The following NFASC variants were observed in gnomAD, a reference collection of about 807,000 sequenced individuals.
NFASC encodes the protein neurofascin, also known as neurofascin homolog.
NFASC carries 43 observed loss-of-function variants against 147.5 expected under a neutral mutation model. That is an observed-to-expected ratio of 0.29 (90% CI 0.23 to 0.38). The LOEUF (loss-of-function observed/expected upper bound fraction) is 0.38, where lower values mean the gene tolerates loss of function less well. NFASC is among the 10% of genes least tolerant of loss of function. The probability of loss-of-function intolerance (pLI) is 1.00; values close to 1 mark genes in which losing one functional copy is unlikely to be tolerated. For synonymous variants in NFASC, 622 were observed against 665.5 expected, an observed-to-expected ratio of 0.93 and a Z score of 1.01; for missense variants, 1,320 against 1,689.0, an observed-to-expected ratio of 0.78 and a Z score of 3.83.
intron 2 of NFASC, among the ~76,000 whole-genome samples, chr1:204,932,130 G>A (rs540273727): frequency 2.0e-4 from 30 of 152,220 alleles, no homozygotes; most frequent in African/African-American, 5.8e-4. Context: ...ATAGGTCTCC[G>A]TTGGGTCAGG....
intron 1 of NFASC, among the ~76,000 whole-genome samples, chr1:204,893,904 A>G (rs561538291): frequency 6.6e-6 from 1 of 152,256 alleles, no homozygotes; most frequent in Admixed American, 6.5e-5. Context: ...CTGCCTTTAG[A>G]TGGCTAACAA....
chr1:205,022,271 G>C lies in NFASC; in HGVS notation c.*5732G>C, dbSNP rs1190443155. On this transcript the variant is annotated 3_prime_UTR_variant, in exon 30 of 30. Coordinates refer to ENST00000339876, the MANE Select transcript of NFASC (RefSeq NM_001005388.3). ...CCTCTGCCCGGCTCCCCAGCTCTTT[G>C]CCAACCTCTTCACACTCCCCTTGAG... is the stretch of plus-strand genomic sequence containing the variant. 2.0e-5 allele frequency: 3 copies of C among 152,318 alleles called. No individual in the cohort carries two copies. Among genetic ancestry groups the C allele is most frequent in the Non-Finnish European group, 4.4e-5 (3 of 68,056 alleles). The allele number at this position is 152,318 out of a possible 1,614,324, so 9.4% of individuals were successfully genotyped here.
At chr1:204,993,686 A>T (rs1236334391) in intron 24 of NFASC, 1 of 487,328 alleles carries the variant, frequency 2.1e-6, no homozygotes, top group African/African-American at 2.0e-5. Flanking sequence ...CGCCAGGCTG[A>T]TGGTCTCCAC....
intron 1 of NFASC, among the ~76,000 whole-genome samples, chr1:204,882,124 G>A (rs906040164): frequency 2.0e-5 from 3 of 152,112 alleles, no homozygotes; most frequent in Non-Finnish European, 4.4e-5. Context: ...CTATTGCAGT[G>A]CTCCCTGCAC....
At chr1:204,920,007 G>T (rs1341613029) in intron 1 of NFASC, among the ~76,000 whole-genome samples, 1 of 152,180 alleles carries the variant, frequency 6.6e-6, no homozygotes, top group Non-Finnish European at 1.5e-5. Context: ...TTCAGAACTG[G>T]TCTTGAACCC....
intron 21 of NFASC, chr1:204,985,896 C>T: frequency 2.5e-6 from 4 of 1,599,356 alleles, no homozygotes; most frequent in Non-Finnish European, 3.4e-6. Context: ...CACCAGCCTG[C>T]CTCTGTCCCG....
intron 1 of NFASC, among the ~76,000 whole-genome samples, chr1:204,896,409 G>C (rs1039534152): frequency 6.6e-6 from 1 of 152,170 alleles, no homozygotes; most frequent in African/African-American, 2.4e-5. Flanking sequence ...GCTGTCACTT[G>C]TTTGTTTGCT....
intron 8 of NFASC, among the ~76,000 whole-genome samples, chr1:204,961,909 C>T (rs1188251114): frequency 3.3e-5 from 5 of 151,912 alleles, no homozygotes. Flanking sequence ...TTTTTTTCTC[C>T]TTTTGTGGGC....
Position 204,978,984 on chromosome 1 carries a change from C to A in NFASC, c.1893C>A (p.Pro631=). ...AALPKGRPDR[P]RDLELTDLAE... ...TGCCACCAGGACGGCCAGACCGGCC[C>A]CGGGACCTGGAGCTGACCGACCTGG... Residue 631 remains proline, a synonymous_variant, in exon 18 of 30, where the codon CCC becomes CCA. Transcript: ENST00000339876. The A allele has an allele frequency of 6.4e-7, 1 of 1,557,412 alleles. No homozygotes were observed. Among genetic ancestry groups the A allele is most frequent in the Non-Finnish European group, 8.7e-7 (1 of 1,149,842 alleles).
At chr1:204,977,813 A>G (rs1259424846) in intron 17 of NFASC, 88 bp downstream of exon 17, 9 of 1,266,900 alleles carry the variant, frequency 7.1e-6, no homozygotes, top group Non-Finnish European at 1.0e-5. Flanking sequence ...ACTTTGGGAA[A>G]GGGCGACAGT....
intron 1 of NFASC, among the ~76,000 whole-genome samples, chr1:204,885,011 C>T (rs1323438427): frequency 6.6e-6 from 1 of 152,024 alleles, no homozygotes; most frequent in Non-Finnish European, 1.5e-5. Context: ...CCTATAATCC[C>T]AGTACTTTAA....
intron 28 of NFASC, among the ~76,000 whole-genome samples, chr1:205,012,419 T>C (rs926089217): frequency 6.6e-6 from 1 of 152,124 alleles, no homozygotes; most frequent in African/African-American, 2.4e-5. Context: ...CGTCCACAAA[T>C]AGTTACACCA....
intron 7 of NFASC, among the ~76,000 whole-genome samples, chr1:204,957,329 T>C (rs765450181): frequency 6.6e-6 from 1 of 152,234 alleles, no homozygotes; most frequent in Non-Finnish European, 1.5e-5. Context: ...TTCCTTCTGC[T>C]GGTCCCACAG....
intron 7 of NFASC, among the ~76,000 whole-genome samples, chr1:204,956,671 T>G (rs769424155): frequency 1.3e-5 from 2 of 152,210 alleles, no homozygotes; most frequent in Non-Finnish European, 2.9e-5. Flanking sequence ...CACCAGCACC[T>G]AGCACAGTGC....
At chr1:205,009,514 C>A (rs775984156) in intron 27 of NFASC, 43 bp from the exon 28 acceptor site, 2 of 1,607,948 alleles carry the variant, frequency 1.2e-6, no homozygotes, top group East Asian at 2.2e-5. Context: ...ACCATCTCCC[C>A]CATGAAATCA....
chr1:204,880,143 C>T (rs1268037502), intron 1 of NFASC, among the ~76,000 whole-genome samples: 3 of 152,142 alleles, frequency 2.0e-5, no homozygotes, highest in Non-Finnish European at 4.4e-5. Context: ...TTCTTCTCAT[C>T]CCAGGAAGCC....
chr1:204,948,580 AAAAACAAAAC>A (rs147883938), intron 3 of NFASC: 4 of 518,488 alleles, frequency 7.7e-6, no homozygotes, highest in African/African-American at 1.9e-5. Flanking sequence ...TGGATTTGTT[AAAAACAAAAC>A]AAAACAAAAC....
intron 1 of NFASC, among the ~76,000 whole-genome samples, chr1:204,877,060 TTATATATTTA>T (rs2079126141): frequency 1.1e-5 from 1 of 88,790 alleles, no homozygotes; most frequent in African/African-American, 7.2e-5. Context: ...ATATATTTAT[TTATATATTTA>T]TATATATATA....
intron 1 of NFASC, among the ~76,000 whole-genome samples, chr1:204,874,664 C>T (rs2078399136): frequency 6.6e-6 from 1 of 152,372 alleles, no homozygotes; most frequent in East Asian, 1.9e-4. Flanking sequence ...CCCTCCCCAC[C>T]TAGGCCTGGG....
Sources: gnomAD v4.1 joint callset for allele counts (sites outside exome capture counted in the v4.1 genomes callset) on GRCh38, gnomAD v4.1.1 for gene constraint, MANE v1.5 for transcripts, NCBI Gene and HGNC (gene_info 2026-07-23, HGNC 2026-07-21) for gene names.